The following MGAT5 variants were observed in gnomAD, a reference collection of about 807,000 sequenced individuals.
The protein encoded by MGAT5 is alpha-1,6-mannosylglycoprotein 6-beta-N-acetylglucosaminyltransferase.
Under a neutral mutation model 94.3 loss-of-function variants are expected in MGAT5, and 30 were observed. The ratio of observed to expected loss-of-function variants is 0.32; its 90% CI spans 0.24 to 0.43. MGAT5 has a LOEUF of 0.43. Ranked by LOEUF, MGAT5 falls within the 20% of genes least tolerant of loss-of-function variation. The pLI is 1.00. For synonymous variants in MGAT5, 310 were observed against 322.9 expected (o/e 0.96, Z 0.43); for missense variants, 691 against 905.5 (o/e 0.76, Z 3.04).
intron 4 of MGAT5, chr2:134,319,776 G>T: frequency 2.4e-6 from 1 of 419,176 alleles, no homozygotes; most frequent in South Asian, 1.7e-5. Context: ...TTCTCCCAGT[G>T]ACACTTGAGT....
rs35795776 is a variant in MGAT5 at position 134,217,238 on chromosome 2, G to GGTGTGTGTGTGTGTGTGTGT, written c.-142-37011_-142-36992dup. On this transcript the variant is annotated intron_variant, in intron 1 of 16. Transcript: ENST00000409645. ...GAGTGGGGTCTGAGGGAGAGAGAGT[G>GGTGTGTGTGTGTGTGTGTGT]GTGTGTGTGTGTGTGTGTGTGTGTG... Among the ~76,000 whole-genome samples the GGTGTGTGTGTGTGTGTGTGT allele has an allele frequency of 3.0e-3, 431 of 145,206 alleles. 2 individuals carry two copies. The highest frequency in any genetic ancestry group is 0.014 in the Middle Eastern group (4 of 288).
chr2:134,165,502 G>A (rs541001203), intron 1 of MGAT5, among the ~76,000 whole-genome samples: 37 of 152,230 alleles, frequency 2.4e-4, no homozygotes, highest in African/African-American at 7.7e-4. Context: ...AGGGCCGGGC[G>A]CGGTGGCTCA....
intron 1 of MGAT5, among the ~76,000 whole-genome samples, chr2:134,246,974 G>A (rs925223239): frequency 6.6e-6 from 1 of 152,200 alleles, no homozygotes; most frequent in African/African-American, 2.4e-5. Context: ...TCTGTGGTGA[G>A]CACAAAACCA....
chr2:134,124,674 C>G (rs1179084505), intron 1 of MGAT5, among the ~76,000 whole-genome samples: 1 of 152,246 alleles, frequency 6.6e-6, no homozygotes, highest in Non-Finnish European at 1.5e-5. Flanking sequence ...TTTCTCCACT[C>G]TATTTCCTGA....
At chr2:134,324,908 T>G (rs1460084763) in intron 4 of MGAT5, among the ~76,000 whole-genome samples, 2 of 152,064 alleles carry the variant, frequency 1.3e-5, no homozygotes, top group Non-Finnish European at 2.9e-5. Context: ...ATGATCATGT[T>G]CTTTTCACCT....
At chr2:134,364,132 G>A (rs752509037) in intron 10 of MGAT5, among the ~76,000 whole-genome samples, 3 of 152,134 alleles carry the variant, frequency 2.0e-5, no homozygotes, top group Non-Finnish European at 2.9e-5. Context: ...ACAATAAATT[G>A]GTTCTGAAAG....
At chr2:134,363,614 T>TA (rs1356284252) in intron 10 of MGAT5, among the ~76,000 whole-genome samples, 1 of 152,196 alleles carries the variant, frequency 6.6e-6, no homozygotes, top group Non-Finnish European at 1.5e-5. Flanking sequence ...ATGTAGTGGG[T>TA]AGAGGCCAGG....
At chr2:134,256,995 G>A (rs1257217) in intron 1 of MGAT5, among the ~76,000 whole-genome samples, 113,200 of 151,990 alleles carry the variant, frequency 0.74, 42,283 homozygotes, top group African/African-American at 0.76. Flanking sequence ...ATTTGGTGCT[G>A]TTGACTTTTG....
At chr2:134,367,630 C>T (rs900559747) in intron 10 of MGAT5, among the ~76,000 whole-genome samples, 1 of 152,228 alleles carries the variant, frequency 6.6e-6, no homozygotes, top group Non-Finnish European at 1.5e-5. Context: ...TCTCAGAACA[C>T]ATTGGCCAAC....
At chr2:134,153,938 C>T (rs1180730367) in intron 1 of MGAT5, among the ~76,000 whole-genome samples, 7 of 152,150 alleles carry the variant, frequency 4.6e-5, no homozygotes, top group Non-Finnish European at 1.0e-4. Context: ...AGAAGTTTCT[C>T]GGCCCCTTCC....
intron 14 of MGAT5, among the ~76,000 whole-genome samples, chr2:134,437,860 C>T (rs1255886912): frequency 6.6e-6 from 1 of 151,910 alleles, no homozygotes; most frequent in Non-Finnish European, 1.5e-5. Context: ...ACTAAAAATA[C>T]AAAAATTAGC....
At chr2:134,405,366 T>C (rs2106306216) in intron 11 of MGAT5, among the ~76,000 whole-genome samples, 1 of 152,346 alleles carries the variant, frequency 6.6e-6, no homozygotes, top group East Asian at 1.9e-4. Flanking sequence ...ATTAAAATAC[T>C]CTGAGTGGAA....
At chr2:134,387,732 A>C (rs189886093) in intron 10 of MGAT5, among the ~76,000 whole-genome samples, 1 of 152,260 alleles carries the variant, frequency 6.6e-6, no homozygotes, top group Admixed American at 6.5e-5. Flanking sequence ...TCTGAACAGC[A>C]CAAAAGAGTT....
At chr2:134,254,852 C>G (rs1234249563) in intron 1 of MGAT5, among the ~76,000 whole-genome samples, 2 of 152,146 alleles carry the variant, frequency 1.3e-5, no homozygotes, top group Admixed American at 6.5e-5. Context: ...CACACTTTCC[C>G]CTGGAGTCAG....
intron 13 of MGAT5, among the ~76,000 whole-genome samples, chr2:134,428,051 A>G (rs112532148): frequency 6.6e-5 from 10 of 152,364 alleles, no homozygotes; most frequent in African/African-American, 2.4e-4. Flanking sequence ...CTTTTGTTGA[A>G]TGCCCACTAT....
intron 4 of MGAT5, 76 bp from the exon 5 acceptor site, chr2:134,336,141 C>A: frequency 8.8e-7 from 1 of 1,136,520 alleles, no homozygotes. Context: ...GTGCCAGGAG[C>A]TGTTCTCGGT....
At chr2:134,222,934 T>TA (rs1193585041) in intron 1 of MGAT5, among the ~76,000 whole-genome samples, 2 of 152,190 alleles carry the variant, frequency 1.3e-5, no homozygotes, top group Admixed American at 6.5e-5. Context: ...CTGTTAGACT[T>TA]ACAGCAATTA....
chr2:134,189,603 T>TTTTGTTTTGTTTTTTG (rs532822759), intron 1 of MGAT5, among the ~76,000 whole-genome samples: 2 of 57,540 alleles, frequency 3.5e-5, no homozygotes, highest in African/African-American at 2.1e-4. Flanking sequence ...TTTTTTTTTG[T>TTTTGTTTTGTTTTTTG]TTTTTTTTTT....
At chr2:134,372,336 A>G (rs1680862887) in intron 10 of MGAT5, among the ~76,000 whole-genome samples, 1 of 152,188 alleles carries the variant, frequency 6.6e-6, no homozygotes, top group Non-Finnish European at 1.5e-5. Context: ...TGTTTCCATG[A>G]TAACAGCCAA....
Sources: allele counts gnomAD v4.1 joint callset (sites outside exome capture counted in the v4.1 genomes callset), GRCh38; gene constraint gnomAD v4.1.1; transcripts MANE v1.5; gene names NCBI Gene and HGNC (gene_info 2026-07-23, HGNC 2026-07-21).